The following PSD3 variants were observed in gnomAD, a reference collection of about 807,000 sequenced individuals.
The protein encoded by PSD3 is PH and SEC7 domain-containing protein 3.
A neutral mutation model predicts 105.5 loss-of-function variants in PSD3; 49 were observed. The observed-to-expected ratio is 0.46, with a 90% CI of 0.37 to 0.59. The LOEUF is 0.59. Among genes scored for constraint, PSD3 ranks in the 20% least tolerant of loss-of-function variants. PSD3 has a pLI of 0.00. For missense variants in PSD3, 1,561 were observed against 1,263.8 expected, an observed-to-expected ratio of 1.24 and a Z score of -3.57; for synonymous variants, 557 against 457.8, an observed-to-expected ratio of 1.22 and a Z score of -2.77.
At chr8:18,546,065 A>G (rs953577360) in intron 15 of PSD3, among the ~76,000 whole-genome samples, 5 of 152,134 alleles carry the variant, frequency 3.3e-5, no homozygotes, top group Admixed American at 6.5e-5. Context: ...CAATGGTGCG[A>G]TCTTGGCTCA....
intron 12 of PSD3, among the ~76,000 whole-genome samples, chr8:18,595,510 A>C (rs985493515): frequency 7.9e-5 from 12 of 151,040 alleles, no homozygotes; most frequent in African/African-American, 2.9e-4. Context: ...GAGAAAAAAA[A>C]ACCCAAGTAT....
intron 4 of PSD3, among the ~76,000 whole-genome samples, chr8:18,835,667 G>C (rs1814046408): frequency 6.6e-6 from 1 of 152,210 alleles, no homozygotes; most frequent in African/African-American, 2.4e-5. Flanking sequence ...GCAGGTAAGT[G>C]CCCAACAGAA....
intron 10 of PSD3, among the ~76,000 whole-genome samples, chr8:18,648,238 G>T (rs977052314): frequency 1.3e-5 from 2 of 152,232 alleles, no homozygotes; most frequent in Non-Finnish European, 2.9e-5. Flanking sequence ...GAAAGTTTGA[G>T]ACTTCCTAGA....
intron 2 of PSD3, among the ~76,000 whole-genome samples, chr8:18,908,219 A>T (rs1434903801): frequency 1.3e-5 from 2 of 152,204 alleles, no homozygotes; most frequent in African/African-American, 4.8e-5. Flanking sequence ...TCTAAGGTGG[A>T]GTGGAGGCCC....
chr8:18,966,801 A>G (rs1369035329), intron 1 of PSD3, among the ~76,000 whole-genome samples: 1 of 152,164 alleles, frequency 6.6e-6, no homozygotes, highest in East Asian at 1.9e-4. Flanking sequence ...TGATTTTGAT[A>G]TTTAAATATA....
chr8:18,558,528 T>C (rs1308783227), intron 14 of PSD3, among the ~76,000 whole-genome samples: 5 of 152,144 alleles, frequency 3.3e-5, no homozygotes, highest in Non-Finnish European at 7.4e-5. Context: ...ACCATAAAAA[T>C]ACAGAAGTGT....
At chr8:18,917,551 T>C (rs1443829471) in intron 2 of PSD3, among the ~76,000 whole-genome samples, 2 of 152,206 alleles carry the variant, frequency 1.3e-5, no homozygotes, top group Non-Finnish European at 2.9e-5. Context: ...ACTGTTTTGT[T>C]ATATTGATAA....
intron 11 of PSD3, among the ~76,000 whole-genome samples, chr8:18,608,292 T>C (rs1171621776): frequency 5.3e-5 from 8 of 152,316 alleles, no homozygotes; most frequent in East Asian, 1.9e-4. Context: ...TCCAGTCAGA[T>C]TGAAGGGACA....
At chr8:19,039,092 G>T (rs1247773745) in intron 1 of PSD3, among the ~76,000 whole-genome samples, 2 of 152,064 alleles carry the variant, frequency 1.3e-5, no homozygotes, top group African/African-American at 4.8e-5. Flanking sequence ...CTTTCTACCT[G>T]CTAGTCCTTG....
chr8:18,951,545 A>C (rs1408672579), intron 1 of PSD3, among the ~76,000 whole-genome samples: 6 of 152,206 alleles, frequency 3.9e-5, no homozygotes, highest in African/African-American at 1.4e-4. Context: ...ATGCACTGAC[A>C]AGTTAGGATT....
At chr8:18,726,684 C>T (rs1009171335) in intron 9 of PSD3, among the ~76,000 whole-genome samples, 1 of 152,268 alleles carries the variant, frequency 6.6e-6, no homozygotes, top group African/African-American at 2.4e-5. Context: ...ACCCCTAGAA[C>T]ATGCTTAATA....
intron 2 of PSD3, among the ~76,000 whole-genome samples, chr8:18,891,621 C>T (rs867005395): frequency 2.8e-5 from 4 of 144,266 alleles, no homozygotes; most frequent in Admixed American, 1.3e-4. Context: ...ACACCTGCAC[C>T]TCCGAGAGCA....
At chr8:18,786,799 A>G (rs1020681076) in intron 8 of PSD3, 1 of 152,228 alleles carries the variant, frequency 6.6e-6, no homozygotes. Context: ...AGTTGCTTTT[A>G]TCTGTTGATT....
intron 1 of PSD3, among the ~76,000 whole-genome samples, chr8:18,998,203 T>G (rs995072600): frequency 6.6e-6 from 1 of 151,994 alleles, no homozygotes; most frequent in Admixed American, 6.6e-5. Flanking sequence ...AATAAGTCAC[T>G]TGGTATGCAC....
At chr8:19,070,195 T>TA (rs1252211767) in intron 1 of PSD3, among the ~76,000 whole-genome samples, 1 of 152,062 alleles carries the variant, frequency 6.6e-6, no homozygotes, top group Admixed American at 6.6e-5. Flanking sequence ...CATAAAGACT[T>TA]ACAGAAAATT....
rs148034912 is a variant in PSD3, at chr8:18,803,917, G to A, written c.1910+605C>T. 7.6e-3 allele frequency among the ~76,000 whole-genome samples: 1,148 copies of A among 151,766 alleles called. 26 individuals are homozygous for A. The highest frequency in any genetic ancestry group is 0.04 in the Admixed American group (609 of 15,206). ...GCCACTCATTGTATACCTAAAAATTGCTAAGATGAAAGATTTTATGCTATC... is the reference window on the plus strand; with the variant it reads ...GCCACTCATTGTATACCTAAAAATTACTAAGATGAAAGATTTTATGCTATC... On this transcript the variant is annotated intron_variant, in intron 6 of 15. Transcript: ENST00000327040.
chr8:18,874,863 G>A (rs1817629817), intron 2 of PSD3, among the ~76,000 whole-genome samples: 1 of 152,072 alleles, frequency 6.6e-6, no homozygotes, highest in African/African-American at 2.4e-5. Context: ...CAATACCTCT[G>A]AGAGTACATG....
At chr8:18,956,060 G>A (rs767774916) in intron 1 of PSD3, among the ~76,000 whole-genome samples, 9 of 152,064 alleles carry the variant, frequency 5.9e-5, no homozygotes, top group Non-Finnish European at 1.0e-4. Flanking sequence ...GAGCCACCAT[G>A]CCCGGCCTAT....
At chr8:18,637,681 C>T (rs1454784563) in intron 10 of PSD3, among the ~76,000 whole-genome samples, 9 of 152,036 alleles carry the variant, frequency 5.9e-5, no homozygotes, top group Non-Finnish European at 5.9e-5. Context: ...ATTCATCTAC[C>T]GAAAGATACT....
Sources: allele counts gnomAD v4.1 joint callset (sites outside exome capture counted in the v4.1 genomes callset), GRCh38; gene constraint gnomAD v4.1.1; transcripts MANE v1.5; gene names NCBI Gene and HGNC (gene_info 2026-07-23, HGNC 2026-07-21).